The following HMGCS1 variants were observed in gnomAD, a reference collection of about 807,000 sequenced individuals.
The protein encoded by HMGCS1 is hydroxymethylglutaryl-CoA synthase, cytoplasmic.
In HMGCS1, 9 loss-of-function variants were observed where a neutral mutation model predicts 52.3. The ratio of observed to expected loss-of-function variants is 0.17; its 90% CI spans 0.10 to 0.30. The LOEUF (loss-of-function observed/expected upper bound fraction) is 0.30, where lower values mean the gene tolerates loss of function less well. Among genes scored for constraint, HMGCS1 ranks in the 10% least tolerant of loss-of-function variants. The pLI is 1.00. For missense variants in HMGCS1, 320 were observed against 620.9 expected (o/e 0.52, Z 5.15); for synonymous variants, 176 against 214.4 (o/e 0.82, Z 1.57).
Position 43,298,369 on chromosome 5 carries a change from TGACA to T in HMGCS1, c.448+145_448+148del, listed in dbSNP as rs1754138102. On this transcript the variant is annotated intron_variant, in intron 3 of 10. Coordinates refer to ENST00000325110, the MANE Select transcript of HMGCS1 (RefSeq NM_001098272.3). This position sits in a 1 kb window ranked among gnomAD's most constrained non-coding sequence, Gnocchi z 5.6. ...GATAACCAATTCACAATTCGGATAA[TGACA>T]GACAGGTAAAATATCTTTCTTAATA... The T allele has an allele frequency of 1.5e-6, 1 of 684,660 alleles. No homozygotes were observed. The highest frequency in any genetic ancestry group is 2.4e-6 in the Non-Finnish European group (1 of 412,216). The allele number at this position is 684,660 out of a possible 1,614,324, so 42.4% of individuals were successfully genotyped here. A position where few individuals can be genotyped will look rare whatever the true frequency, so the allele number is the denominator to read the frequency against.
rs1466101431 is a variant in HMGCS1, at chr5:43,294,736, A to T, written c.1031T>A (p.Met344Lys). 6.2e-7 allele frequency: 1 copy of T among 1,612,774 alleles called. No individual in the cohort carries two copies. The highest frequency in any genetic ancestry group is 1.1e-5 in the South Asian group (1 of 91,004). ...SLLVSNQNGNMYTSSVYGSLA... is the reference protein window; with the variant it reads ...SLLVSNQNGNKYTSSVYGSLA... ...GGAACCATATACTGAAGATGTGTAC[A>T]TATTTCCATTTTGATTTGATACAAG... Residue 344 changes from methionine to lysine, a missense_variant, in exon 7 of 11, where the codon ATG (methionine) becomes AAG (lysine). Physicochemically the swap from Met to Lys is moderately conservative, Grantham distance 95. This residue lies in a region of HMGCS1 where 213 missense variants were observed against 337.4 expected (regional missense o/e 0.63). Coordinates refer to ENST00000325110, the MANE Select transcript of HMGCS1 (RefSeq NM_001098272.3).
intron 2 of HMGCS1, among the ~76,000 whole-genome samples, chr5:43,306,321 A>C (rs1204374110): frequency 6.6e-6 from 1 of 152,202 alleles, no homozygotes; most frequent in East Asian, 1.9e-4. Context: ...GGGGGAGGGA[A>C]ACTAGCTGAT....
Position 43,298,223 on chromosome 5 carries a change from T to A in HMGCS1, c.449-89A>T. 8.6e-7 allele frequency: 1 copy of A among 1,166,142 alleles called. No homozygotes were observed. Among genetic ancestry groups the A allele is most frequent in the Non-Finnish European group, 1.2e-6 (1 of 822,852 alleles). 72.2% of individuals were successfully genotyped at this position (1,166,142 alleles called of 1,614,324 possible). A position where few individuals can be genotyped will look rare whatever the true frequency, so the allele number is the denominator to read the frequency against. On this transcript the variant is annotated intron_variant, in intron 3 of 10. Coordinates refer to ENST00000325110, the MANE Select transcript of HMGCS1 (RefSeq NM_001098272.3). This position sits in a 1 kb window ranked among gnomAD's most constrained non-coding sequence, Gnocchi z 5.6. Reference sequence around the variant, plus strand: ...GAAGTCTGTTATATTTTCCCCAGAATATGCTTTTCCCTTCTTTGATAAAGA... The same window carrying A: ...GAAGTCTGTTATATTTTCCCCAGAAAATGCTTTTCCCTTCTTTGATAAAGA...
intron 6 of HMGCS1, 29 bp from the exon 7 acceptor site, chr5:43,294,890 T>G (rs777266638): frequency 6.8e-7 from 1 of 1,473,736 alleles, no homozygotes; most frequent in South Asian, 1.2e-5. Flanking sequence ...AGTTTTACAG[T>G]GTTTAAAGCC....
At chr5:43,292,739 C>A in intron 9 of HMGCS1, 102 bp from the exon 10 acceptor site, 1 of 1,494,450 alleles carries the variant, frequency 6.7e-7, no homozygotes, top group Non-Finnish European at 9.3e-7. Context: ...TTTTCACTGA[C>A]ATCAGATTAG....
chr5:43,292,199 G>A (rs1287002094), intron 10 of HMGCS1, among the ~76,000 whole-genome samples: 1 of 151,864 alleles, frequency 6.6e-6, no homozygotes, highest in Non-Finnish European at 1.5e-5. Flanking sequence ...CACCATGTTG[G>A]ACAGGATGGT....
intron 4 of HMGCS1, 136 bp downstream of exon 4, chr5:43,297,870 TATG>T (rs964964224): frequency 7.2e-6 from 4 of 556,038 alleles, no homozygotes; most frequent in Non-Finnish European, 1.2e-5. Flanking sequence ...AAAACATAAA[TATG>T]ATAACACACA....
chr5:43,298,820 A>G lies in HMGCS1; in HGVS notation c.146T>C (p.Ile49Thr), dbSNP rs377181188. 5.0e-6 allele frequency: 8 copies of G among 1,613,972 alleles called. No individual in the cohort carries two copies. The East Asian group carries it at 1.3e-4, about 27-fold the overall frequency. The part of the protein sequence containing the change: ...YDGVDAGKYT[I>T]GLGQAKMGFC... ...GCCCATCTTGGCCTGGCCCAAGCCAATGGTATACTTTCCAGCATCTACACC... is the reference window on the plus strand; with the variant it reads ...GCCCATCTTGGCCTGGCCCAAGCCAGTGGTATACTTTCCAGCATCTACACC... The change falls in exon 3 of 11, where the codon ATT (isoleucine) becomes ACT (threonine). Residue 49 changes from isoleucine (I) to threonine (T), a missense_variant. Physicochemically the swap from Ile to Thr is moderately conservative, Grantham distance 89. Around this residue, in one of 3 missense-constraint regions of HMGCS1, gnomAD observed 85 missense variants for 260.0 expected, o/e 0.33. Coordinates refer to ENST00000325110, the MANE Select transcript of HMGCS1 (RefSeq NM_001098272.3). This position sits in a 1 kb window ranked among gnomAD's most constrained non-coding sequence, Gnocchi z 5.6.
Position 43,298,675 on chromosome 5 carries a change from G to A in HMGCS1, c.291C>T (p.Ile97=). 1.2e-6 allele frequency: 2 copies of A among 1,614,208 alleles called. No individual in the cohort carries two copies. The highest frequency in any genetic ancestry group is 1.7e-6 in the Non-Finnish European group (2 of 1,180,034). ...TCTTCACAGACTTTGATTTGTCGATGATTGTCTCTGTTCCAACTTCCAGCC... is the reference window on the plus strand; with the variant it reads ...TCTTCACAGACTTTGATTTGTCGATAATTGTCTCTGTTCCAACTTCCAGCC... The part of the protein sequence containing the change: ...IGRLEVGTET[I]IDKSKSVKTN... The change falls in exon 3 of 11, where the codon ATC becomes ATT. Residue 97 remains isoleucine (I), a synonymous_variant. Transcript: ENST00000325110. The surrounding 1 kb of genome is among the most constrained non-coding windows in gnomAD (Gnocchi z 5.6).
intron 10 of HMGCS1, 90 bp from the exon 11 acceptor site, chr5:43,291,310 A>G (rs1753755682): frequency 3.7e-6 from 3 of 805,354 alleles, no homozygotes; most frequent in Non-Finnish European, 6.6e-6. Context: ...AAAGAAACTT[A>G]ATAAAGGACA....
Position 43,291,077 on chromosome 5 carries a change from A to G in HMGCS1, c.*54T>C, listed in dbSNP as rs1753735979. The G allele has an allele frequency of 4.5e-6, 4 of 892,924 alleles. No individual in the cohort carries two copies. The East Asian group carries it at 9.6e-5, about 22-fold the overall frequency. 55.3% of individuals were successfully genotyped at this position (892,924 alleles called of 1,614,324 possible). A position where few individuals can be genotyped will look rare whatever the true frequency, so the allele number is the denominator to read the frequency against. On this transcript the variant is annotated 3_prime_UTR_variant, in exon 11 of 11. Coordinates refer to ENST00000325110, the MANE Select transcript of HMGCS1 (RefSeq NM_001098272.3). ...ATATCCCATTCCTCCAACTGTTCCC[A>G]TACCCCCACCCCATGCCCACCCCAC...
In HMGCS1 at chr5:43,292,903, C is replaced by T; in HGVS notation, c.1254G>A (p.Val418=). 6.2e-7 allele frequency: 1 copy of T among 1,609,654 alleles called. No individual in the cohort carries two copies. Among genetic ancestry groups the T allele is most frequent in the East Asian group, 2.2e-5 (1 of 44,824 alleles). The change falls in exon 9 of 11, where the codon GTG becomes GTA. Residue 418 remains valine, a synonymous_variant. Transcript: ENST00000325110. ...LKSRLDSRTG[V]APDVFAENMK... is the part of the protein sequence containing the mutation. ...TGTTTTCAGCGAAGACATCTGGTGC[C>T]ACACCAGTTCTTGAATCAAGCCTTG...
At chr5:43,312,101 GATA>G (rs1158685200) in intron 1 of HMGCS1, among the ~76,000 whole-genome samples, 8 of 152,198 alleles carry the variant, frequency 5.3e-5, no homozygotes, top group Non-Finnish European at 8.8e-5. Context: ...TACTGACACG[GATA>G]ATGTTAACGA....
At chr5:43,310,896 T>C (rs1308719300) in intron 1 of HMGCS1, among the ~76,000 whole-genome samples, 1 of 152,168 alleles carries the variant, frequency 6.6e-6, no homozygotes, top group Non-Finnish European at 1.5e-5. Flanking sequence ...CACCCACAAC[T>C]AAAAACCCTG....
intron 1 of HMGCS1, among the ~76,000 whole-genome samples, chr5:43,308,508 C>T (rs947065090): frequency 6.6e-6 from 1 of 152,186 alleles, no homozygotes; most frequent in Non-Finnish European, 1.5e-5. Context: ...ACCCTCCCAA[C>T]CTTTTATAAA....
At position 43,298,683 on chromosome 5, in the gene HMGCS1, C is replaced by T; in HGVS notation, c.283G>A (p.Glu95Lys). The change falls in exon 3 of 11, where the codon GAG (glutamate) becomes AAG (lysine). Residue 95 changes from glutamate (E) to lysine (K), a missense_variant. Around this residue, in one of 3 missense-constraint regions of HMGCS1, gnomAD observed 85 missense variants for 260.0 expected, o/e 0.33. Transcript: ENST00000325110. The surrounding 1 kb of genome is among the most constrained non-coding windows in gnomAD (Gnocchi z 5.6). ...GACTTTGATTTGTCGATGATTGTCT[C>T]TGTTCCAACTTCCAGCCGCCCAATG... ...DCIGRLEVGTETIIDKSKSVK... is the reference protein window; with the variant it reads ...DCIGRLEVGTKTIIDKSKSVK... 6.2e-7 allele frequency: 1 copy of T among 1,614,240 alleles called. No homozygotes were observed. The highest frequency in any genetic ancestry group is 8.5e-7 in the Non-Finnish European group (1 of 1,180,036).
At chr5:43,294,188 G>A (rs757816391) in intron 7 of HMGCS1, 26 bp from the exon 8 acceptor site, 9 of 1,385,796 alleles carry the variant, frequency 6.5e-6, no homozygotes, top group African/African-American at 1.4e-5. Flanking sequence ...CAATAGTTCA[G>A]AAGTTTAACT....
intron 2 of HMGCS1, among the ~76,000 whole-genome samples, chr5:43,304,381 C>A (rs1164314567): frequency 6.6e-6 from 1 of 152,220 alleles, no homozygotes; most frequent in African/African-American, 2.4e-5. Flanking sequence ...GGGAATATAT[C>A]TTTTTGAAGG....
rs1753606462 is a variant in HMGCS1, at chr5:43,288,772, CATGAT to C, written c.*2354_*2358del. ...GACTAAGTATGAAAGCCAGACATGA[CATGAT>C]GATAAAATATGAGCTGATCAGTATT... On this transcript the variant is annotated 3_prime_UTR_variant, in exon 11 of 11. Coordinates refer to ENST00000325110, the MANE Select transcript of HMGCS1 (RefSeq NM_001098272.3). The C allele has an allele frequency of 6.6e-6, 1 of 152,128 alleles. No homozygotes were observed. The highest frequency in any genetic ancestry group is 2.1e-4 in the South Asian group (1 of 4,832). The allele number at this position is 152,128 out of a possible 1,614,324, so 9.4% of individuals were successfully genotyped here.
Sources: allele counts gnomAD v4.1 joint callset (sites outside exome capture counted in the v4.1 genomes callset), GRCh38; gene constraint gnomAD v4.1.1; regional missense constraint gnomAD v4.1.1; non-coding constraint Gnocchi (gnomAD v3.1); transcripts MANE v1.5; gene names NCBI Gene and HGNC (gene_info 2026-07-23, HGNC 2026-07-21).